The following GOLM1 variants were observed in gnomAD, a reference collection of about 807,000 sequenced individuals.
GOLM1 encodes epididymis luminal protein 46.
A neutral mutation model predicts 50.5 loss-of-function variants in GOLM1; 31 were observed. The ratio of observed to expected loss-of-function variants is 0.61; its 90% CI spans 0.46 to 0.83. GOLM1 has a LOEUF of 0.83. Among genes scored for constraint, GOLM1 ranks in the 40% least tolerant of loss-of-function variants. The probability of loss-of-function intolerance (pLI) is 0.00; values close to 1 mark genes in which losing one functional copy is unlikely to be tolerated. For missense variants in GOLM1, 491 were observed against 501.3 expected (o/e 0.98, Z 0.20); for synonymous variants, 178 against 192.8 (o/e 0.92, Z 0.64).
chr9:86,061,524 A>G (rs1032055313), intron 3 of GOLM1, among the ~76,000 whole-genome samples: 8 of 152,242 alleles, frequency 5.3e-5, no homozygotes, highest in African/African-American at 1.9e-4. Context: ...ACAGAGAAAG[A>G]GGGCAGCAGA....
At chr9:86,087,298 A>G (rs968199476) in intron 1 of GOLM1, among the ~76,000 whole-genome samples, 1 of 152,222 alleles carries the variant, frequency 6.6e-6, no homozygotes, top group African/African-American at 2.4e-5. Context: ...TTGATTTTGT[A>G]TCCTGAGACT....
intron 9 of GOLM1, among the ~76,000 whole-genome samples, chr9:86,031,557 G>A (rs1489023337): frequency 1.4e-5 from 2 of 145,364 alleles, no homozygotes; most frequent in Non-Finnish European, 3.0e-5. Context: ...TGCCTCCCGA[G>A]TTCACGCGAT....
At chr9:86,092,115 G>T (rs561607954) in intron 1 of GOLM1, among the ~76,000 whole-genome samples, 1 of 152,276 alleles carries the variant, frequency 6.6e-6, no homozygotes, top group African/African-American at 2.4e-5. Flanking sequence ...ACCACTCAGG[G>T]GACACAGGAC....
intron 1 of GOLM1, among the ~76,000 whole-genome samples, chr9:86,095,481 G>C (rs10118320): frequency 0.73 from 111,149 of 151,390 alleles, 41,830 homozygotes; most frequent in African/African-American, 0.9. Flanking sequence ...CTCCTGACTT[G>C]AAGTGATCCG....
At chr9:86,055,821 C>T (rs183765898) in intron 3 of GOLM1, among the ~76,000 whole-genome samples, 8 of 152,216 alleles carry the variant, frequency 5.3e-5, no homozygotes, top group Admixed American at 2.6e-4. Context: ...TAGTGAGCAT[C>T]GAGACCCAGG....
intron 3 of GOLM1, among the ~76,000 whole-genome samples, chr9:86,064,919 A>C (rs7865836): frequency 0.37 from 56,438 of 152,060 alleles, 13,800 homozygotes; most frequent in African/African-American, 0.68. Flanking sequence ...ACCTTCCAGA[A>C]TCATTTCCAG....
Position 86,035,745 on chromosome 9 carries a change from G to T in GOLM1, c.758-120C>A. 3 of 911,702 alleles carry T rather than the reference G, an allele frequency of 3.3e-6. No homozygotes were observed. The South Asian group carries it at 5.0e-5, about 15-fold the overall frequency. The allele number at this position is 911,702 out of a possible 1,614,324, so 56.5% of individuals were successfully genotyped here. On this transcript the variant is annotated intron_variant, in intron 7 of 9. Transcript: ENST00000388712. ...AGAGCCTTCCCAAGGAGTGGGGGTG[G>T]GGTGGGCTGCACACAGGAGAACAAC... is the stretch of plus-strand genomic sequence containing the variant.
chr9:86,062,370 C>T (rs1834185637), intron 3 of GOLM1, among the ~76,000 whole-genome samples: 2 of 151,770 alleles, frequency 1.3e-5, no homozygotes, highest in Admixed American at 6.6e-5. Flanking sequence ...GGGCACACTG[C>T]AGGTGCTTTG....
chr9:86,098,053 T>C (rs1340887877), intron 1 of GOLM1, among the ~76,000 whole-genome samples: 1 of 152,088 alleles, frequency 6.6e-6, no homozygotes, highest in Non-Finnish European at 1.5e-5. Context: ...ATTTCTTTCG[T>C]TTTCCTGTAA....
At chr9:86,045,674 GAAA>G (rs1174542328) in intron 5 of GOLM1, among the ~76,000 whole-genome samples, 3 of 94,258 alleles carry the variant, frequency 3.2e-5, no homozygotes, top group Non-Finnish European at 7.9e-5. Context: ...CTCCGCTCAA[GAAA>G]AAAAAAAAAA....
chr9:86,043,940 G>A (rs999737036), intron 5 of GOLM1, among the ~76,000 whole-genome samples: 2 of 152,174 alleles, frequency 1.3e-5, no homozygotes, highest in African/African-American at 4.8e-5. Context: ...GGAAATATTT[G>A]CATTAAGGTT....
At position 86,027,196 on chromosome 9, in the gene GOLM1, T is replaced by C. The variant is rs376565733; in HGVS notation, c.*621A>G. 1 of 985,088 alleles carries C rather than the reference T, an allele frequency of 1.0e-6. No individual in the cohort carries two copies. The highest frequency in any genetic ancestry group is 1.2e-6 in the Non-Finnish European group (1 of 829,556). 61.0% of individuals were successfully genotyped at this position (985,088 alleles called of 1,614,324 possible). On this transcript the variant is annotated 3_prime_UTR_variant, in exon 10 of 10. Transcript: ENST00000388712. The stretch of plus-strand genomic sequence containing the variant: ...ACATTAAAAATGACAAGGGTTATTA[T>C]ACAAGTAGCCTTTTAAAAAATTCTC...
intron 1 of GOLM1, among the ~76,000 whole-genome samples, chr9:86,082,641 A>G (rs1204989358): frequency 6.6e-6 from 1 of 151,172 alleles, no homozygotes; most frequent in African/African-American, 2.4e-5. Flanking sequence ...GGGTCTCACT[A>G]TGTTGCTCAA....
At chr9:86,042,640 CT>C (rs1210898180) in intron 5 of GOLM1, among the ~76,000 whole-genome samples, 1 of 152,168 alleles carries the variant, frequency 6.6e-6, no homozygotes, top group Non-Finnish European at 1.5e-5. Flanking sequence ...TGCACAGGAG[CT>C]GAAACATAGC....
In GOLM1 at chr9:86,035,578, T is replaced by C; in HGVS notation, c.805A>G (p.Arg269Gly). 6.2e-7 allele frequency: 1 copy of C among 1,606,840 alleles called. No homozygotes were observed. Among genetic ancestry groups the C allele is most frequent in the East Asian group, 2.2e-5 (1 of 44,806 alleles). ...TCCCGGCCTGGCTCCTGCGGCAGCC[T>C]GTCCCTCTGAGGCTCCTCATTCACC... ...QVVNEEPQRD[R>G]LPQEPGREQV... The change falls in exon 8 of 10, where the codon AGG (arginine) becomes GGG (glycine). Residue 269 changes from arginine to glycine, a missense_variant. By Grantham distance (125) the Arg-to-Gly change is moderately radical. Coordinates refer to ENST00000388712, the MANE Select transcript of GOLM1 (RefSeq NM_016548.4).
chr9:86,051,833 A>T (rs915380933), intron 4 of GOLM1, among the ~76,000 whole-genome samples: 2 of 152,200 alleles, frequency 1.3e-5, no homozygotes, highest in East Asian at 3.8e-4. Flanking sequence ...CTTTTCACAT[A>T]AGACTTTTTA....
At chr9:86,029,493 AAC>A (rs1278458397) in intron 9 of GOLM1, among the ~76,000 whole-genome samples, 1 of 152,116 alleles carries the variant, frequency 6.6e-6, no homozygotes, top group Non-Finnish European at 1.5e-5. Flanking sequence ...CTATCCTTTT[AAC>A]ACACAGAAAA....
intron 1 of GOLM1, among the ~76,000 whole-genome samples, chr9:86,095,425 T>A (rs1332816926): frequency 1.6e-4 from 23 of 140,858 alleles, no homozygotes; most frequent in Non-Finnish European, 2.3e-4. Flanking sequence ...TTTTTTTTTT[T>A]AAAATAGAGA....
Position 86,032,885 on chromosome 9 carries a change from A to G in GOLM1, c.1129+397T>C, listed in dbSNP as rs146016711. ...CCTGGACTCTTCAAAAATTCAAAAT[A>G]ATAATACAAAGGGCAGCTTTCATAG... On this transcript the variant is annotated intron_variant, in intron 9 of 9. Transcript: ENST00000388712. 4.1e-3 allele frequency among the ~76,000 whole-genome samples: 618 copies of G among 152,330 alleles called. 5 individuals carry two copies. The highest frequency in any genetic ancestry group is 0.014 in the African/African-American group (574 of 41,584).
Sources: gnomAD v4.1 joint callset for allele counts (sites outside exome capture counted in the v4.1 genomes callset) on GRCh38, gnomAD v4.1.1 for gene constraint, MANE v1.5 for transcripts, NCBI Gene and HGNC (gene_info 2026-07-23, HGNC 2026-07-21) for gene names.